DACH1: variants seen among roughly 807,000 people sequenced by gnomAD.
DACH1 encodes dachshund family transcription factor 1.
Under a neutral mutation model 54.2 loss-of-function variants are expected in DACH1, and 12 were observed. That is an observed-to-expected ratio of 0.22 (90% CI 0.14 to 0.36). The LOEUF (loss-of-function observed/expected upper bound fraction) is 0.36. Ranked by LOEUF, DACH1 falls within the 10% of genes least tolerant of loss-of-function variation. The pLI is 1.00. For missense variants in DACH1, 805 were observed against 929.8 expected, an observed-to-expected ratio of 0.87 and a Z score of 1.75; for synonymous variants, 386 against 366.2, an observed-to-expected ratio of 1.05 and a Z score of -0.62.
At chr13:71,815,920 C>A (rs1483694439) in intron 1 of DACH1, among the ~76,000 whole-genome samples, 2 of 151,680 alleles carry the variant, frequency 1.3e-5, no homozygotes, top group Non-Finnish European at 2.9e-5. Context: ...CCCGTCTCTA[C>A]TAAAAATACA....
At chr13:71,539,618 CTAAA>C (rs1348567888) in intron 6 of DACH1, among the ~76,000 whole-genome samples, 1 of 151,984 alleles carries the variant, frequency 6.6e-6, no homozygotes, top group Non-Finnish European at 1.5e-5. Flanking sequence ...TTCTGCTTTC[CTAAA>C]TAAAGTTTGT....
At chr13:71,706,227 A>T (rs1179246315) in intron 1 of DACH1, among the ~76,000 whole-genome samples, 1 of 151,748 alleles carries the variant, frequency 6.6e-6, no homozygotes, top group East Asian at 1.9e-4. Context: ...AATCAGGACA[A>T]CAAAAGGGAT....
intron 3 of DACH1, among the ~76,000 whole-genome samples, chr13:71,616,540 A>T (rs941940397): frequency 1.3e-5 from 2 of 152,144 alleles, no homozygotes; most frequent in African/African-American, 4.8e-5. Context: ...TGAGGCCAGG[A>T]GTTCCAGGCT....
At chr13:71,694,669 T>C (rs538154834) in intron 1 of DACH1, among the ~76,000 whole-genome samples, 2 of 152,202 alleles carry the variant, frequency 1.3e-5, no homozygotes, top group Non-Finnish European at 2.9e-5. Context: ...TGTTTTACCA[T>C]GGAATTTTTT....
chr13:71,665,936 C>T (rs1879804890), intron 2 of DACH1, among the ~76,000 whole-genome samples: 1 of 152,058 alleles, frequency 6.6e-6, no homozygotes, highest in Non-Finnish European at 1.5e-5. Context: ...ACAAACAACA[C>T]CTCCTTCATA....
chr13:71,607,167 G>C (rs944770562), intron 3 of DACH1, among the ~76,000 whole-genome samples: 4 of 151,926 alleles, frequency 2.6e-5, no homozygotes, highest in African/African-American at 9.7e-5. Context: ...TTAAAAAAGA[G>C]CTTTTCATAG....
chr13:71,492,663 C>G (rs574098018), intron 6 of DACH1, among the ~76,000 whole-genome samples: 1 of 151,616 alleles, frequency 6.6e-6, no homozygotes, highest in African/African-American at 2.4e-5. Context: ...TCCAGTTCAC[C>G]AATTGTTTAC....
At chr13:71,865,391 C>T (rs1478972353) in intron 1 of DACH1, among the ~76,000 whole-genome samples, 1 of 152,132 alleles carries the variant, frequency 6.6e-6, no homozygotes, top group Non-Finnish European at 1.5e-5. Context: ...GGCCCTCACC[C>T]GGAGCGCGTC....
At chr13:71,771,243 A>C (rs1050999872) in intron 1 of DACH1, among the ~76,000 whole-genome samples, 1 of 151,114 alleles carries the variant, frequency 6.6e-6, no homozygotes, top group Non-Finnish European at 1.5e-5. Flanking sequence ...GAAATATACT[A>C]TTAAGAATGA....
At chr13:71,626,800 G>A (rs1229491259) in intron 3 of DACH1, among the ~76,000 whole-genome samples, 1 of 151,960 alleles carries the variant, frequency 6.6e-6, no homozygotes, top group Non-Finnish European at 1.5e-5. Flanking sequence ...ATTTAAATCT[G>A]GGAATGAGCA....
At chr13:71,863,359 TTTAAGTTTGAG>T (rs1227520247) in intron 1 of DACH1, among the ~76,000 whole-genome samples, 2 of 150,170 alleles carry the variant, frequency 1.3e-5, no homozygotes, top group African/African-American at 4.9e-5. Context: ...ATTGCATGTA[TTTAAGTTTGAG>T]TAAGCTTTTT....
At chr13:71,440,746 G>A in intron 10 of DACH1, 54 bp from the exon 11 acceptor site, 1 of 1,369,694 alleles carries the variant, frequency 7.3e-7, no homozygotes. Flanking sequence ...GGGTACAAAT[G>A]TGCATGTAAA....
At chr13:71,849,450 T>A (rs1245966950) in intron 1 of DACH1, among the ~76,000 whole-genome samples, 1 of 152,204 alleles carries the variant, frequency 6.6e-6, no homozygotes, top group East Asian at 1.9e-4. Flanking sequence ...ATTTTAAGAC[T>A]CTTTAAAGCA....
intron 1 of DACH1, among the ~76,000 whole-genome samples, chr13:71,833,276 T>C (rs1888662142): frequency 6.6e-6 from 1 of 151,968 alleles, no homozygotes; most frequent in Non-Finnish European, 1.5e-5. Context: ...TTCACCCAGA[T>C]ACAGAGCTAG....
chr13:71,544,862 G>A (rs1197652345), intron 6 of DACH1, among the ~76,000 whole-genome samples: 1 of 151,846 alleles, frequency 6.6e-6, no homozygotes, highest in Non-Finnish European at 1.5e-5. Flanking sequence ...GTGACTTTAG[G>A]ATGAATCCAA....
chr13:71,767,628 A>G (rs1375546600), intron 1 of DACH1, among the ~76,000 whole-genome samples: 1 of 152,064 alleles, frequency 6.6e-6, no homozygotes, highest in Admixed American at 6.6e-5. Context: ...TCCAAGACAA[A>G]AGACCTGGTG....
At chr13:71,465,097 G>GT (rs1300081610) in intron 10 of DACH1, among the ~76,000 whole-genome samples, 1 of 152,014 alleles carries the variant, frequency 6.6e-6, no homozygotes. Flanking sequence ...ACCATGGGAG[G>GT]TAGGATAATG....
intron 1 of DACH1, among the ~76,000 whole-genome samples, chr13:71,771,204 C>T (rs1262142783): frequency 6.6e-6 from 1 of 150,738 alleles, no homozygotes; most frequent in Non-Finnish European, 1.5e-5. Flanking sequence ...AAAGATCTTC[C>T]TTATAGCTCT....
chr13:71,838,320 AAGG>A lies in DACH1; in HGVS notation c.848+27599_848+27601del, dbSNP rs1888877466. Among the ~76,000 whole-genome samples the A allele has an allele frequency of 2.6e-5, 4 of 152,288 alleles. No homozygotes were observed. The South Asian group carries it at 8.3e-4, about 32-fold the overall frequency. ...TCATAAATGGAGAAGTTTTAGCAAA[AAGG>A]AGTTCAGTGAGAACAACACATTATT... On this transcript the variant is annotated intron_variant, in intron 1 of 10. Coordinates refer to ENST00000613252, the MANE Select transcript of DACH1 (RefSeq NM_080759.6).
Sources: allele counts gnomAD v4.1 joint callset (sites outside exome capture counted in the v4.1 genomes callset), GRCh38; gene constraint gnomAD v4.1.1; transcripts MANE v1.5; gene names NCBI Gene and HGNC (gene_info 2026-07-23, HGNC 2026-07-21).